CCNH: variants seen among roughly 807,000 people sequenced by gnomAD.
The protein encoded by CCNH is cyclin-H.
CCNH carries 31 observed loss-of-function variants against 41.9 expected under a neutral mutation model. That is an observed-to-expected ratio of 0.74 (90% CI 0.56 to 1.00). CCNH has a LOEUF of 1.00. CCNH is among the 50% of genes least tolerant of loss of function. The pLI is 0.00. For missense variants in CCNH, 362 were observed against 388.4 expected, an observed-to-expected ratio of 0.93 and a Z score of 0.57; for synonymous variants, 138 against 136.1, an observed-to-expected ratio of 1.01 and a Z score of -0.10.
intron 9 of CCNH, among the ~76,000 whole-genome samples, chr5:87,339,304 T>C (rs1458419133): frequency 1.3e-5 from 2 of 152,174 alleles, no homozygotes; most frequent in Non-Finnish European, 2.9e-5. Context: ...CTCATAGTCA[T>C]ATAGTTATTT....
At chr5:87,411,139 G>T in intron 2 of CCNH, 85 bp downstream of exon 2, 1 of 1,367,110 alleles carries the variant, frequency 7.3e-7, no homozygotes, top group South Asian at 1.7e-5. Context: ...GAATTTTTAA[G>T]ACTTGAGTGG....
the CCNH span, among the ~76,000 whole-genome samples, chr5:87,312,244 C>T: frequency 2.6e-4 from 40 of 152,106 alleles, 2 homozygotes; most frequent in Non-Finnish European, 1.5e-5. Context: ...TCTTCATATA[C>T]TATGAATCAA....
intron 7 of CCNH, among the ~76,000 whole-genome samples, chr5:87,399,097 G>C (rs1298837068): frequency 6.6e-6 from 1 of 152,126 alleles, no homozygotes; most frequent in Non-Finnish European, 1.5e-5. Flanking sequence ...TAAAAGGACA[G>C]GAAAAGGTAA....
chr5:87,407,486 G>A (rs1407850256), intron 4 of CCNH, among the ~76,000 whole-genome samples: 1 of 152,082 alleles, frequency 6.6e-6, no homozygotes, highest in African/African-American at 2.4e-5. Context: ...AGTTGCTTTT[G>A]TCAATGTTTG....
downstream of CCNH, chr5:87,389,538 G>A (rs1157155135): frequency 1.4e-5 from 22 of 1,613,516 alleles, no homozygotes; most frequent in Middle Eastern, 3.3e-4. Flanking sequence ...GTAGGCTTTC[G>A]CCAGCCTTCA....
intron 9 of CCNH, among the ~76,000 whole-genome samples, chr5:87,335,150 G>A (rs1036001627): frequency 6.6e-6 from 1 of 152,100 alleles, no homozygotes; most frequent in Non-Finnish European, 1.5e-5. Context: ...CCAAAGTGCT[G>A]GAATTATGGG....
downstream of CCNH, chr5:87,374,733 T>C: frequency 6.7e-7 from 1 of 1,499,064 alleles, no homozygotes; most frequent in East Asian, 2.4e-5. Context: ...CACACTGTTT[T>C]TTTTTTTAAA....
intron 9 of CCNH, among the ~76,000 whole-genome samples, chr5:87,358,366 G>C (rs374240959): frequency 2.0e-5 from 3 of 152,166 alleles, no homozygotes; most frequent in Admixed American, 2.0e-4. Flanking sequence ...CTTTACCAAG[G>C]TGACACTACA....
At chr5:87,389,474 G>C (rs758894954), downstream of CCNH, 6 of 1,614,038 alleles carry the variant, frequency 3.7e-6, no homozygotes, top group African/African-American at 1.3e-5. Flanking sequence ...TGAGATTTGC[G>C]TGGCTCATTC....
At chr5:87,390,700 A>G, downstream of CCNH, 1 of 913,702 alleles carries the variant, frequency 1.1e-6, no homozygotes. Context: ...TATTTTATGC[A>G]TCCTTTTGCT....
chr5:87,394,215 CTTTAA>C (rs3093858), downstream of CCNH: 5,011 of 1,176,598 alleles, frequency 4.3e-3, 15 homozygotes, highest in Non-Finnish European at 4.8e-3. Flanking sequence ...TGAGTTGCAG[CTTTAA>C]TTTGATATTA....
At chr5:87,374,041 G>GA (rs1024684812), downstream of CCNH, 409 of 870,308 alleles carry the variant, frequency 4.7e-4, no homozygotes, top group Middle Eastern at 9.0e-4. Context: ...CACATTTTCT[G>GA]AAAAAAAAGG....
chr5:87,390,030 T>G (rs912277781), downstream of CCNH, among the ~76,000 whole-genome samples: 6 of 152,186 alleles, frequency 3.9e-5, no homozygotes, highest in African/African-American at 1.4e-4. Flanking sequence ...GGTATTCCGA[T>G]GCAAGTGAAC....
chr5:87,410,798 C>T (rs1190133448), intron 2 of CCNH, among the ~76,000 whole-genome samples: 1 of 152,024 alleles, frequency 6.6e-6, no homozygotes, highest in Non-Finnish European at 1.5e-5. Context: ...CTAATCAAGG[C>T]TTAAAAAAAT....
At chr5:87,321,847 A>G (rs1756839714) in intron 9 of CCNH, among the ~76,000 whole-genome samples, 1 of 152,214 alleles carries the variant, frequency 6.6e-6, no homozygotes, top group African/African-American at 2.4e-5. Context: ...ACCCTCTCTG[A>G]AATGAGGGCA....
downstream of CCNH, among the ~76,000 whole-genome samples, chr5:87,315,173 G>A (rs1756231153): frequency 6.6e-6 from 1 of 152,176 alleles, no homozygotes; most frequent in South Asian, 2.1e-4. Context: ...TTCAGTCTTA[G>A]TCCATTTTCT....
chr5:87,312,496 A>C, the CCNH span, among the ~76,000 whole-genome samples: 1 of 152,206 alleles, frequency 6.6e-6, no homozygotes, highest in Non-Finnish European at 1.5e-5. Context: ...CTAATACAGT[A>C]AATATTGACA....
upstream of CCNH, chr5:87,378,274 C>T: frequency 8.9e-7 from 1 of 1,122,524 alleles, no homozygotes; most frequent in Non-Finnish European, 1.3e-6. Flanking sequence ...TTCAACGCTG[C>T]ACGCAAAAAG....
chr5:87,311,511 A>G, the CCNH span, among the ~76,000 whole-genome samples: 2 of 152,230 alleles, frequency 1.3e-5, no homozygotes, highest in Non-Finnish European at 2.9e-5. Context: ...GCAAAAGGCT[A>G]CAGTTTAAAA....
Sources: gnomAD v4.1 joint callset for allele counts (sites outside exome capture counted in the v4.1 genomes callset) on GRCh38, gnomAD v4.1.1 for gene constraint, MANE v1.5 for transcripts, NCBI Gene and HGNC (gene_info 2026-07-23, HGNC 2026-07-21) for gene names.